The following TBC1D32 variants were observed in gnomAD, a reference collection of about 807,000 sequenced individuals.
TBC1D32 encodes the protein protein broad-minded.
Under a neutral mutation model 170.3 loss-of-function variants are expected in TBC1D32, and 151 were observed. The observed-to-expected ratio is 0.89, with a 90% CI of 0.78 to 1.01. TBC1D32 has a LOEUF of 1.01. TBC1D32 is among the 50% of genes least tolerant of loss of function. TBC1D32 has a pLI of 0.00. For synonymous variants in TBC1D32, 498 were observed against 488.0 expected (o/e 1.02, Z -0.27); for missense variants, 1,464 against 1,457.1 (o/e 1.00, Z -0.08).
rs778788123 is a variant in TBC1D32, at chr6:121,256,084, C to A, written c.1935G>T (p.Lys645Asn). ...AAAAACGAAGCTTGAAAATACTTAC[C>A]TTTTTCCATGCCTTTGCTATAGATT... ...LHESIAKAWK[K>N]TSLLSERIPT... Residue 645 changes from lysine (K) to asparagine (N), a missense_variant and splice_region_variant, in exon 16 of 32, where the codon AAG (lysine) becomes AAT (asparagine). This residue lies in a region of TBC1D32 where 1,363 missense variants were observed against 1,338.1 expected (regional missense o/e 1.02). Coordinates refer to ENST00000398212, the MANE Select transcript of TBC1D32 (RefSeq NM_152730.6). 3 of 1,604,586 alleles carry A rather than the reference C, an allele frequency of 1.9e-6. No individual in the cohort carries two copies. Among genetic ancestry groups the A allele is most frequent in the Admixed American group, 1.7e-5 (1 of 57,532 alleles).
At chr6:121,113,199 C>G (rs780968031) in intron 27 of TBC1D32, 22 bp from the exon 28 acceptor site, 1 of 1,483,644 alleles carries the variant, frequency 6.7e-7, no homozygotes, top group Non-Finnish European at 9.3e-7. Flanking sequence ...GCCCACAAAA[C>G]ATAAAACATA....
intron 13 of TBC1D32, among the ~76,000 whole-genome samples, chr6:121,282,702 T>A (rs530835567): frequency 4.3e-4 from 65 of 151,902 alleles, no homozygotes; most frequent in Non-Finnish European, 8.1e-4. Context: ...TACCAGACAC[T>A]GTACTAGGAA....
chr6:121,131,539 T>C, intron 25 of TBC1D32, 88 bp downstream of exon 25: 2 of 1,364,420 alleles, frequency 1.5e-6, no homozygotes, highest in Non-Finnish European at 2.0e-6. Context: ...GTTTTCTACA[T>C]ATGCCAATAC....
intron 22 of TBC1D32, among the ~76,000 whole-genome samples, chr6:121,187,754 C>CAAAA (rs67915120): frequency 1.6e-5 from 2 of 128,678 alleles, no homozygotes; most frequent in African/African-American, 3.0e-5. Context: ...TGCTCAGGGC[C>CAAAA]AAAAAAAAAA....
intron 21 of TBC1D32, among the ~76,000 whole-genome samples, chr6:121,212,028 C>CACACACACAT (rs1179203925): frequency 9.1e-5 from 13 of 143,240 alleles, no homozygotes; most frequent in African/African-American, 3.1e-4. Context: ...CACACACACA[C>CACACACACAT]GACAAAAGGG....
At chr6:121,310,970 AT>A in intron 3 of TBC1D32, 123 bp from the exon 4 acceptor site, 2 of 654,260 alleles carry the variant, frequency 3.1e-6, no homozygotes, top group Non-Finnish European at 5.3e-6. Context: ...GAGATGATCT[AT>A]TTTGATTTGG....
chr6:121,210,641 T>C (rs1031554729), intron 21 of TBC1D32, among the ~76,000 whole-genome samples: 10 of 152,204 alleles, frequency 6.6e-5, no homozygotes, highest in Non-Finnish European at 1.3e-4. Context: ...CAGATGTAAC[T>C]AAAATCCTTA....
chr6:121,134,533 G>A (rs1243408261), intron 24 of TBC1D32, among the ~76,000 whole-genome samples: 1 of 152,030 alleles, frequency 6.6e-6, no homozygotes, highest in Non-Finnish European at 1.5e-5. Flanking sequence ...TTGGATTTGA[G>A]GCAATAAAGA....
chr6:121,123,741 TTAA>T lies in TBC1D32; in HGVS notation c.2983+2634_2983+2636del, dbSNP rs200023813. ...AGTCTGTTTACATTCAATGTTACTA[TTAA>T]TAATAACCATTTTAATACTTGTTTA... On this transcript the variant is annotated intron_variant, in intron 26 of 31. Coordinates refer to ENST00000398212, the MANE Select transcript of TBC1D32 (RefSeq NM_152730.6). 8.8e-3 allele frequency among the ~76,000 whole-genome samples: 1,333 copies of T among 152,150 alleles called. 10 individuals carry two copies. Among genetic ancestry groups the T allele is most frequent in the South Asian group, 0.041 (196 of 4,820 alleles).
At chr6:121,135,875 T>C (rs994827073) in intron 24 of TBC1D32, among the ~76,000 whole-genome samples, 1 of 152,032 alleles carries the variant, frequency 6.6e-6, no homozygotes, top group Non-Finnish European at 1.5e-5. Context: ...AGTAAGGCAA[T>C]TATACATCCA....
chr6:121,212,969 A>AT (rs1183841304), intron 21 of TBC1D32, among the ~76,000 whole-genome samples: 1 of 152,218 alleles, frequency 6.6e-6, no homozygotes, highest in African/African-American at 2.4e-5. Context: ...ATCTCAATAG[A>AT]TGCAGAAAAG....
At chr6:121,097,885 G>A (rs1029632144) in intron 30 of TBC1D32, among the ~76,000 whole-genome samples, 9 of 152,090 alleles carry the variant, frequency 5.9e-5, no homozygotes, top group Non-Finnish European at 2.9e-5. Context: ...ATGAGTTCAT[G>A]TCCTTTGTAG....
At chr6:121,248,603 TAGA>T (rs1368929449) in intron 17 of TBC1D32, among the ~76,000 whole-genome samples, 1 of 151,726 alleles carries the variant, frequency 6.6e-6, no homozygotes, top group Admixed American at 6.6e-5. Context: ...TAAGCTCAAT[TAGA>T]AATAAAACTG....
intron 30 of TBC1D32, among the ~76,000 whole-genome samples, chr6:121,102,156 ATAC>A (rs1476854634): frequency 6.6e-6 from 1 of 152,158 alleles, no homozygotes; most frequent in Non-Finnish European, 1.5e-5. Flanking sequence ...GAAAATGGCC[ATAC>A]TGCCCGAGGT....
chr6:121,240,233 A>G (rs1195262903), intron 19 of TBC1D32, among the ~76,000 whole-genome samples: 1 of 152,056 alleles, frequency 6.6e-6, no homozygotes, highest in Admixed American at 6.6e-5. Flanking sequence ...TAATGATTTT[A>G]CCAAGGGTGA....
At position 121,106,042 on chromosome 6, in the gene TBC1D32, G is replaced by A. The variant is rs777675910; in HGVS notation, c.3446C>T (p.Ser1149Phe). ...LPLVFSAFHM[S>F]GFAPSQICLQ... ...GATTACCTGTGATGGTGCAAAACCA[G>A]ACATGTGAAAAGCTGAAAACACAAG... The change falls in exon 30 of 32, where the codon TCT becomes TTT. Residue 1149 changes from serine to phenylalanine, a missense_variant. Physicochemically the swap from Ser to Phe is radical, Grantham distance 155. Around this residue, in one of 3 missense-constraint regions of TBC1D32, gnomAD observed 1,363 missense variants for 1,338.1 expected, o/e 1.02. Transcript: ENST00000398212. 6.2e-6 allele frequency: 10 copies of A among 1,607,228 alleles called. No individual in the cohort carries two copies. In the Admixed American group the frequency reaches 1.7e-4, roughly 27 times the overall value.
rs747954811 is a variant in TBC1D32 at position 121,131,626 on chromosome 6, C to A, written c.2899+1G>T. 2.5e-6 allele frequency: 4 copies of A among 1,609,498 alleles called. No individual in the cohort carries two copies. Among genetic ancestry groups the A allele is most frequent in the Non-Finnish European group, 2.5e-6 (3 of 1,177,730 alleles). ...ACCCACAATGGAAACAATGTACTTACCCTCTCCACTGATTATATCAGGTTT... is the reference window on the plus strand; with the variant it reads ...ACCCACAATGGAAACAATGTACTTAACCTCTCCACTGATTATATCAGGTTT... On this transcript the variant is annotated splice_donor_variant, in intron 25 of 31. Transcript: ENST00000398212. LOFTEE classifies it high-confidence loss of function.
At chr6:121,122,518 C>T (rs1050512063) in intron 26 of TBC1D32, among the ~76,000 whole-genome samples, 2 of 151,658 alleles carry the variant, frequency 1.3e-5, no homozygotes, top group Admixed American at 6.6e-5. Flanking sequence ...CTGAAAATAC[C>T]CATATATCTT....
At chr6:121,176,117 A>G (rs961616728) in intron 22 of TBC1D32, among the ~76,000 whole-genome samples, 3 of 152,192 alleles carry the variant, frequency 2.0e-5, no homozygotes, top group Admixed American at 6.5e-5. Flanking sequence ...TTAAACAACA[A>G]AGTAATGGAT....
Sources: allele counts gnomAD v4.1 joint callset (sites outside exome capture counted in the v4.1 genomes callset), GRCh38; gene constraint gnomAD v4.1.1; regional missense constraint gnomAD v4.1.1; transcripts MANE v1.5; gene names NCBI Gene and HGNC (gene_info 2026-07-23, HGNC 2026-07-21).